The following ALK variants were observed in gnomAD, a reference collection of about 807,000 sequenced individuals.
The protein encoded by ALK is ALK receptor tyrosine kinase, also known as ALK tyrosine kinase receptor.
In ALK, 74 loss-of-function variants were observed where a neutral mutation model predicts 163.1. The ratio of observed to expected loss-of-function variants is 0.45; its 90% CI spans 0.38 to 0.55. The LOEUF (loss-of-function observed/expected upper bound fraction) is 0.55. Ranked by LOEUF, ALK falls within the 20% of genes least tolerant of loss-of-function variation. ALK has a pLI of 0.00. For missense variants in ALK, 2,063 were observed against 2,105.3 expected (o/e 0.98, Z 0.39); for synonymous variants, 960 against 843.2 (o/e 1.14, Z -2.40).
intron 4 of ALK, among the ~76,000 whole-genome samples, chr2:29,505,418 T>A (rs536056893): frequency 6.6e-6 from 1 of 152,312 alleles, no homozygotes; most frequent in Non-Finnish European, 1.5e-5. Flanking sequence ...TCAAGTGGAC[T>A]GATAAGTACT....
chr2:29,405,500 G>A (rs769369984), intron 4 of ALK, among the ~76,000 whole-genome samples: 2 of 152,162 alleles, frequency 1.3e-5, no homozygotes, highest in Non-Finnish European at 2.9e-5. Flanking sequence ...TCAGCAAAGC[G>A]TGTCTCCCCA....
chr2:29,525,770 G>C (rs775441042), intron 4 of ALK, among the ~76,000 whole-genome samples: 159 of 137,000 alleles, frequency 1.2e-3, no homozygotes, highest in East Asian at 1.3e-3. Flanking sequence ...CAGCCTGGGT[G>C]ACAAGAGCAA....
chr2:29,401,095 C>A (rs543405644), intron 4 of ALK, among the ~76,000 whole-genome samples: 3 of 152,280 alleles, frequency 2.0e-5, no homozygotes, highest in Non-Finnish European at 2.9e-5. Context: ...ATACAAAGCA[C>A]TAAATGGCAT....
Position 29,196,702 on chromosome 2 carries a change from C to T in ALK, c.4164+68G>A, listed in dbSNP as rs534821520. On this transcript the variant is annotated intron_variant, in intron 28 of 28. Transcript: ENST00000389048. Reference sequence around the variant, plus strand: ...GACTGGCTTGACCTATTTCATATTTCGGTATTTGCCATCTTTAAGACTGTT... The same window carrying T: ...GACTGGCTTGACCTATTTCATATTTTGGTATTTGCCATCTTTAAGACTGTT... 144 of 1,100,740 alleles carry T rather than the reference C, an allele frequency of 1.3e-4. No homozygotes were observed. In the African/African-American group the frequency reaches 1.3e-3, roughly 10 times the overall value. The allele number at this position is 1,100,740 out of a possible 1,614,324, so 68.2% of individuals were successfully genotyped here. A position where few individuals can be genotyped will look rare whatever the true frequency, so the allele number is the denominator to read the frequency against.
intron 6 of ALK, among the ~76,000 whole-genome samples, chr2:29,327,604 G>A (rs984146980): frequency 3.3e-5 from 5 of 152,152 alleles, no homozygotes; most frequent in Non-Finnish European, 5.9e-5. Context: ...GTTCCTTTTC[G>A]GGGTGATAAA....
intron 3 of ALK, among the ~76,000 whole-genome samples, chr2:29,684,401 A>T (rs541603932): frequency 6.6e-6 from 1 of 152,320 alleles, no homozygotes; most frequent in Non-Finnish European, 1.5e-5. Context: ...CTCTCAGCAC[A>T]GGGCTCCTTC....
chr2:29,198,710 T>G (rs994734396), intron 26 of ALK, among the ~76,000 whole-genome samples: 1 of 152,212 alleles, frequency 6.6e-6, no homozygotes, highest in African/African-American at 2.4e-5. Flanking sequence ...TGACAACTTT[T>G]GCTGATTTTA....
At chr2:29,239,279 T>C (rs992857137) in intron 13 of ALK, among the ~76,000 whole-genome samples, 1 of 152,222 alleles carries the variant, frequency 6.6e-6, no homozygotes, top group Admixed American at 6.5e-5. Context: ...CCTCTTCCCA[T>C]ATCTCTCTGC....
At chr2:29,642,602 C>T (rs1456821797) in intron 3 of ALK, among the ~76,000 whole-genome samples, 1 of 151,736 alleles carries the variant, frequency 6.6e-6, no homozygotes, top group Non-Finnish European at 1.5e-5. Flanking sequence ...CATTAAATAT[C>T]CTCCTCTCTT....
In ALK at chr2:29,641,044, A is replaced by C. The variant is rs184123586; in HGVS notation, c.952+53806T>G. ...AAACAGTATAGTGCTTGGCGGGGGC[A>C]GTGATGGTGAGGGGAAGAAGAGGAA... On this transcript the variant is annotated intron_variant, in intron 3 of 28. Transcript: ENST00000389048. 2.0e-3 allele frequency among the ~76,000 whole-genome samples: 308 copies of C among 152,252 alleles called. 1 individual carries two copies. Among genetic ancestry groups the C allele is most frequent in the Non-Finnish European group, 2.7e-3 (185 of 68,010 alleles).
intron 3 of ALK, among the ~76,000 whole-genome samples, chr2:29,565,346 AC>A (rs1391823208): frequency 6.6e-6 from 1 of 152,230 alleles, no homozygotes; most frequent in Non-Finnish European, 1.5e-5. Flanking sequence ...ACTGGTGAGC[AC>A]GGAAGGGCAG....
chr2:29,450,507 A>G (rs915968668), intron 4 of ALK, among the ~76,000 whole-genome samples: 1 of 152,180 alleles, frequency 6.6e-6, no homozygotes, highest in Admixed American at 6.5e-5. Context: ...GCAAAGAAAA[A>G]CAAACGCCAA....
chr2:29,682,523 T>C (rs537638635), intron 3 of ALK, among the ~76,000 whole-genome samples: 6 of 152,204 alleles, frequency 3.9e-5, no homozygotes, highest in Non-Finnish European at 8.8e-5. Flanking sequence ...CATACCACTA[T>C]AGAATGAATT....
chr2:29,402,714 AATGGTG>A (rs1669477756), intron 4 of ALK, among the ~76,000 whole-genome samples: 1 of 152,162 alleles, frequency 6.6e-6, no homozygotes, highest in Non-Finnish European at 1.5e-5. Context: ...AGTCTAGGAC[AATGGTG>A]GTACCTTGTA....
At chr2:29,571,584 C>T (rs1474184541) in intron 3 of ALK, among the ~76,000 whole-genome samples, 2 of 139,158 alleles carry the variant, frequency 1.4e-5, no homozygotes, top group South Asian at 4.6e-4. Context: ...TTATAAATTA[C>T]CTAGTCTTGG....
At chr2:29,482,797 T>C (rs1671693674) in intron 4 of ALK, among the ~76,000 whole-genome samples, 1 of 152,142 alleles carries the variant, frequency 6.6e-6, no homozygotes, top group Admixed American at 6.5e-5. Flanking sequence ...ACCTGGTCTT[T>C]GGATAAGAAA....
At chr2:29,397,956 C>A (rs1171021734) in intron 4 of ALK, among the ~76,000 whole-genome samples, 1 of 152,236 alleles carries the variant, frequency 6.6e-6, no homozygotes, top group Non-Finnish European at 1.5e-5. Flanking sequence ...ACATAACAAA[C>A]AGAACTGCTT....
intron 3 of ALK, among the ~76,000 whole-genome samples, chr2:29,687,752 A>C (rs1042284690): frequency 1.3e-5 from 2 of 152,106 alleles, no homozygotes; most frequent in Non-Finnish European, 2.9e-5. Context: ...TCTACTACAC[A>C]CATTCTTTAA....
intron 3 of ALK, among the ~76,000 whole-genome samples, chr2:29,572,220 A>T (rs557250967): frequency 5.3e-5 from 8 of 152,124 alleles, no homozygotes; most frequent in Non-Finnish European, 8.8e-5. Context: ...GTTTATCCTG[A>T]ATTAGTTATG....
Sources: gnomAD v4.1 joint callset for allele counts (sites outside exome capture counted in the v4.1 genomes callset) on GRCh38, gnomAD v4.1.1 for gene constraint, MANE v1.5 for transcripts, NCBI Gene and HGNC (gene_info 2026-07-23, HGNC 2026-07-21) for gene names.